The following GADL1 variants were observed in gnomAD, a reference collection of about 807,000 sequenced individuals.
The protein encoded by GADL1 is GAD like acidic amino acid decarboxylase 1, also known as acidic amino acid decarboxylase GADL1.
GADL1 carries 71 observed loss-of-function variants against 69.5 expected under a neutral mutation model. That is an observed-to-expected ratio of 1.02 (90% confidence interval 0.84 to 1.25). GADL1 has a LOEUF of 1.25. Ranked by LOEUF, GADL1 falls within the 50% of genes most tolerant of loss-of-function variation. GADL1 has a pLI of 0.00. For missense variants in GADL1, 737 were observed against 631.8 expected (o/e 1.17, Z -1.79); for synonymous variants, 254 against 214.4 (o/e 1.18, Z -1.62).
intron 11 of GADL1, among the ~76,000 whole-genome samples, chr3:30,829,383 G>T (rs1225412638): frequency 6.6e-6 from 1 of 151,838 alleles, no homozygotes; most frequent in Admixed American, 6.6e-5. Flanking sequence ...GGATGTCAGG[G>T]CTTTGTAGGT....
At chr3:30,785,876 A>G (rs971766809) in intron 13 of GADL1, among the ~76,000 whole-genome samples, 1 of 152,208 alleles carries the variant, frequency 6.6e-6, no homozygotes, top group African/African-American at 2.4e-5. Flanking sequence ...TACATTTGTA[A>G]CCACCTAATT....
At chr3:30,887,176 C>T (rs1254936512) in intron 1 of GADL1, among the ~76,000 whole-genome samples, 1 of 152,108 alleles carries the variant, frequency 6.6e-6, no homozygotes, top group Non-Finnish European at 1.5e-5. Flanking sequence ...GAGTACTTAG[C>T]ATATGCAGTC....
chr3:30,866,891 C>G (rs2125539254), intron 1 of GADL1, among the ~76,000 whole-genome samples: 1 of 152,178 alleles, frequency 6.6e-6, no homozygotes, highest in East Asian at 1.9e-4. Flanking sequence ...TTCAATAGCT[C>G]TCTGAGGACT....
At chr3:30,815,721 G>A (rs1279842973) in intron 11 of GADL1, among the ~76,000 whole-genome samples, 1 of 152,156 alleles carries the variant, frequency 6.6e-6, no homozygotes. Flanking sequence ...AGGTTCCAAA[G>A]GGGATTAAAC....
chr3:30,850,163 C>A, intron 5 of GADL1, 52 bp from the exon 6 acceptor site: 1 of 966,508 alleles, frequency 1.0e-6, no homozygotes, highest in Non-Finnish European at 1.7e-6. Flanking sequence ...TTATAGCTCG[C>A]AAAATGCTGA....
intron 11 of GADL1, among the ~76,000 whole-genome samples, chr3:30,803,566 A>T (rs192471601): frequency 6.6e-6 from 1 of 152,248 alleles, no homozygotes; most frequent in African/African-American, 2.4e-5. Context: ...GACAAATTGT[A>T]TCATCATAAG....
chr3:30,827,165 C>T (rs1208170616), intron 11 of GADL1, among the ~76,000 whole-genome samples: 3 of 151,538 alleles, frequency 2.0e-5, no homozygotes, highest in African/African-American at 4.8e-5. Context: ...GATTTAGTCA[C>T]TTCAGGAAAC....
At chr3:30,764,962 A>AT (rs1194347176) in intron 14 of GADL1, among the ~76,000 whole-genome samples, 1 of 152,222 alleles carries the variant, frequency 6.6e-6, no homozygotes, top group African/African-American at 2.4e-5. Context: ...AAGAAACAGC[A>AT]TAATCCAAGG....
At chr3:30,769,208 A>C (rs1696358624) in intron 14 of GADL1, among the ~76,000 whole-genome samples, 1 of 152,202 alleles carries the variant, frequency 6.6e-6, no homozygotes, top group Admixed American at 6.5e-5. Context: ...GCCCCAAAGC[A>C]TTCTGTAGAG....
Position 30,728,209 on chromosome 3 carries a change from A to T in GADL1, c.*33T>A, listed in dbSNP as rs1695397856. The T allele has an allele frequency of 6.3e-7, 1 of 1,582,476 alleles. No homozygotes were observed. Among genetic ancestry groups the T allele is most frequent in the Non-Finnish European group, 8.7e-7 (1 of 1,152,190 alleles). On this transcript the variant is annotated 3_prime_UTR_variant, in exon 15 of 15. Coordinates refer to ENST00000282538, the MANE Select transcript of GADL1 (RefSeq NM_207359.3). Reference sequence around the variant, plus strand: ...TTCTGGATCTAAACTCTCCCAGGATAGGATCTATGCCTCTGGGGGACCAAA... The same window carrying T: ...TTCTGGATCTAAACTCTCCCAGGATTGGATCTATGCCTCTGGGGGACCAAA...
intron 11 of GADL1, among the ~76,000 whole-genome samples, chr3:30,804,455 TTA>T (rs1697218805): frequency 6.6e-6 from 1 of 152,308 alleles, no homozygotes; most frequent in South Asian, 2.1e-4. Context: ...ACCTTGACAT[TTA>T]TCTTTCTGTA....
intron 3 of GADL1, among the ~76,000 whole-genome samples, chr3:30,855,755 C>T (rs1380509278): frequency 6.6e-6 from 1 of 151,888 alleles, no homozygotes; most frequent in Admixed American, 6.6e-5. Context: ...AGGTCTATTT[C>T]TACATTTGAG....
chr3:30,828,366 T>C (rs999725711), intron 11 of GADL1, among the ~76,000 whole-genome samples: 1 of 151,584 alleles, frequency 6.6e-6, no homozygotes, highest in Non-Finnish European at 1.5e-5. Context: ...ATGACATTAG[T>C]CTCCTTTTTT....
intron 14 of GADL1, among the ~76,000 whole-genome samples, chr3:30,729,963 G>GA (rs1220202698): frequency 7.2e-5 from 11 of 152,052 alleles, no homozygotes; most frequent in Admixed American, 1.3e-4. Context: ...GAGTGTAAAA[G>GA]AAAAAATGTA....
At chr3:30,821,871 G>A (rs1697586820) in intron 11 of GADL1, among the ~76,000 whole-genome samples, 1 of 151,752 alleles carries the variant, frequency 6.6e-6, no homozygotes, top group Admixed American at 6.6e-5. Flanking sequence ...TTTCAGAAAT[G>A]GAATATCAAG....
At chr3:30,892,246 T>G (rs1698796371) in intron 1 of GADL1, among the ~76,000 whole-genome samples, 1 of 152,252 alleles carries the variant, frequency 6.6e-6, no homozygotes, top group South Asian at 2.1e-4. Flanking sequence ...CAGGATTCCC[T>G]ATGGTATTCT....
At chr3:30,782,308 G>C (rs965259658) in intron 13 of GADL1, among the ~76,000 whole-genome samples, 3 of 152,132 alleles carry the variant, frequency 2.0e-5, no homozygotes, top group Non-Finnish European at 4.4e-5. Context: ...CAAGTTAGCA[G>C]ACAGTACCTA....
chr3:30,732,226 G>T (rs368843741), intron 14 of GADL1, among the ~76,000 whole-genome samples: 26 of 152,266 alleles, frequency 1.7e-4, no homozygotes, highest in East Asian at 1.5e-3. Flanking sequence ...AAATATGCAT[G>T]AACTAAATGT....
intron 14 of GADL1, among the ~76,000 whole-genome samples, chr3:30,749,496 C>T (rs1458013479): frequency 6.6e-6 from 1 of 152,158 alleles, no homozygotes; most frequent in African/African-American, 2.4e-5. Context: ...TAACTCATGC[C>T]TATTTTTAGC....
Sources: gnomAD v4.1 joint callset for allele counts (sites outside exome capture counted in the v4.1 genomes callset) on GRCh38, gnomAD v4.1.1 for gene constraint, MANE v1.5 for transcripts, NCBI Gene and HGNC (gene_info 2026-07-23, HGNC 2026-07-21) for gene names.